SLC27A2: variants seen among roughly 807,000 people sequenced by gnomAD.
The protein encoded by SLC27A2 is solute carrier family 27 member 2.
In SLC27A2, 54 loss-of-function variants were observed where a neutral mutation model predicts 60.0. That is an observed-to-expected ratio of 0.90 (90% confidence interval 0.72 to 1.13). SLC27A2 has a LOEUF of 1.13. Among genes scored for constraint, SLC27A2 ranks in the 50% most tolerant of loss-of-function variants. The pLI is 0.00. For synonymous variants in SLC27A2, 297 were observed against 297.6 expected (o/e 1.00, Z 0.02); for missense variants, 739 against 777.6 (o/e 0.95, Z 0.59).
chr15:50,186,102 G>A (rs1164559309), intron 1 of SLC27A2, among the ~76,000 whole-genome samples: 1 of 151,948 alleles, frequency 6.6e-6, no homozygotes, highest in Admixed American at 6.6e-5. Flanking sequence ...AAATTAACTG[G>A]GCATGATGGT....
intron 4 of SLC27A2, among the ~76,000 whole-genome samples, chr15:50,206,256 A>G (rs2045111084): frequency 6.6e-6 from 1 of 152,164 alleles, no homozygotes; most frequent in Admixed American, 6.5e-5. Context: ...AAATGTCTCC[A>G]GAAACTGCCA....
intron 8 of SLC27A2, among the ~76,000 whole-genome samples, chr15:50,230,456 TC>T (rs1371098885): frequency 6.6e-6 from 1 of 151,972 alleles, no homozygotes; most frequent in Non-Finnish European, 1.5e-5. Flanking sequence ...GGCAGGAGAA[TC>T]ACTTGAACCC....
chr15:50,233,365 G>A (rs2045328882), intron 8 of SLC27A2, among the ~76,000 whole-genome samples: 1 of 152,156 alleles, frequency 6.6e-6, no homozygotes, highest in Non-Finnish European at 1.5e-5. Flanking sequence ...GACTTTCACT[G>A]GAGTCTAAAG....
chr15:50,232,967 A>G lies in SLC27A2; in HGVS notation c.1556-901A>G, dbSNP rs2045326052. Among the ~76,000 whole-genome samples the G allele has an allele frequency of 4.6e-5, 7 of 152,186 alleles. No homozygotes were observed. In the South Asian group the frequency reaches 1.0e-3, roughly 23 times the overall value. On this transcript the variant is annotated intron_variant, in intron 8 of 9. Transcript: ENST00000267842. ...TGATTACAGCTGAGTAGTTTAGGGA[A>G]GTGGAACTGGACTCCCGCTGGGTCT...
intron 4 of SLC27A2, among the ~76,000 whole-genome samples, chr15:50,211,751 A>G (rs1434476789): frequency 6.6e-6 from 1 of 152,116 alleles, no homozygotes; most frequent in African/African-American, 2.4e-5. Flanking sequence ...GTGAAAGGAG[A>G]AATATTCAAG....
intron 4 of SLC27A2, among the ~76,000 whole-genome samples, chr15:50,207,315 C>G (rs1249386235): frequency 1.3e-5 from 2 of 152,172 alleles, no homozygotes; most frequent in African/African-American, 4.8e-5. Flanking sequence ...GACAATTTCA[C>G]TGGGGTTTTA....
intron 1 of SLC27A2, among the ~76,000 whole-genome samples, chr15:50,189,979 C>A (rs1030906822): frequency 6.6e-6 from 1 of 152,152 alleles, no homozygotes; most frequent in African/African-American, 2.4e-5. Context: ...TACTTAATTA[C>A]CTAAATGTAA....
intron 5 of SLC27A2, among the ~76,000 whole-genome samples, chr15:50,224,484 G>T (rs778669223): frequency 6.6e-6 from 1 of 152,108 alleles, no homozygotes; most frequent in Non-Finnish European, 1.5e-5. Flanking sequence ...GCCCTTAGAG[G>T]CTATAGCCCA....
chr15:50,196,069 A>T (rs1438463715), intron 1 of SLC27A2, among the ~76,000 whole-genome samples: 2 of 26,936 alleles, frequency 7.4e-5, no homozygotes, highest in Non-Finnish European at 1.6e-4. Context: ...AAAAAAAAAA[A>T]AAAAAAAAAT....
Position 50,226,972 on chromosome 15 carries a change from T to TG in SLC27A2, c.1259-7dup, listed in dbSNP as rs2045282721. On this transcript the variant is annotated splice_region_variant and splice_polypyrimidine_tract_variant and intron_variant, in intron 6 of 9. Transcript: ENST00000267842. ...CACATAAAATAAGTTTACTTTCTTC[T>TG]GTCTTAGGTGAAGTTGGACTTCTGG... 1 of 1,607,768 alleles carries TG rather than the reference T, an allele frequency of 6.2e-7. No individual in the cohort carries two copies. Among genetic ancestry groups the TG allele is most frequent in the African/African-American group, 1.3e-5 (1 of 74,492 alleles).
At chr15:50,197,282 G>A (rs1052836536) in intron 1 of SLC27A2, among the ~76,000 whole-genome samples, 2 of 152,084 alleles carry the variant, frequency 1.3e-5, no homozygotes, top group Non-Finnish European at 1.5e-5. Flanking sequence ...AGAATTGCTT[G>A]AGGCCAGGAG....
At chr15:50,201,094 C>A (rs564075521) in intron 2 of SLC27A2, among the ~76,000 whole-genome samples, 1 of 152,296 alleles carries the variant, frequency 6.6e-6, no homozygotes, top group Admixed American at 6.5e-5. Flanking sequence ...TGGGCTCAGG[C>A]GATCATCCCA....
intron 2 of SLC27A2, among the ~76,000 whole-genome samples, chr15:50,201,731 AT>A (rs2045065619): frequency 6.6e-6 from 1 of 151,854 alleles, no homozygotes; most frequent in African/African-American, 2.4e-5. Flanking sequence ...AATTTTTTGT[AT>A]TTTTAGTAGA....
chr15:50,212,473 G>A (rs2045165289), intron 4 of SLC27A2, among the ~76,000 whole-genome samples: 1 of 152,196 alleles, frequency 6.6e-6, no homozygotes, highest in African/African-American at 2.4e-5. Flanking sequence ...AAAGATCTTT[G>A]CCTAGGCACA....
intron 1 of SLC27A2, 102 bp downstream of exon 1, chr15:50,183,007 C>A (rs2044880249): frequency 1.7e-6 from 2 of 1,181,574 alleles, no homozygotes; most frequent in East Asian, 2.4e-5. Context: ...AGGTTCAGAT[C>A]GGAACTGTAG....
intron 8 of SLC27A2, among the ~76,000 whole-genome samples, chr15:50,230,753 G>A (rs574300576): frequency 2.6e-5 from 4 of 152,226 alleles, no homozygotes; most frequent in African/African-American, 7.2e-5. Context: ...GCCACCCTAC[G>A]CTCTTGCAGA....
chr15:50,186,461 C>G (rs1034573857), intron 1 of SLC27A2, among the ~76,000 whole-genome samples: 1 of 150,154 alleles, frequency 6.7e-6, no homozygotes. Flanking sequence ...GTTTTTGAGA[C>G]AGTCTCGCTC....
intron 4 of SLC27A2, among the ~76,000 whole-genome samples, chr15:50,212,923 A>G (rs1024368325): frequency 6.6e-6 from 1 of 152,220 alleles, no homozygotes; most frequent in Admixed American, 6.5e-5. Flanking sequence ...ACAGGCAACA[A>G]AGAGCATGAT....
At chr15:50,207,769 G>A (rs371358553) in intron 4 of SLC27A2, among the ~76,000 whole-genome samples, 2 of 141,284 alleles carry the variant, frequency 1.4e-5, no homozygotes, top group African/African-American at 5.3e-5. Flanking sequence ...AAGCCTGGGC[G>A]ACAGAACAAG....
Sources: gnomAD v4.1 joint callset for allele counts (sites outside exome capture counted in the v4.1 genomes callset) on GRCh38, gnomAD v4.1.1 for gene constraint, MANE v1.5 for transcripts, NCBI Gene and HGNC (gene_info 2026-07-23, HGNC 2026-07-21) for gene names.